PACRG: variants seen among roughly 807,000 people sequenced by gnomAD.
PACRG encodes the protein parkin coregulated gene protein.
PACRG carries 29 observed loss-of-function variants against 29.7 expected under a neutral mutation model. The observed-to-expected ratio is 0.98, with a 90% CI of 0.73 to 1.33. The LOEUF (loss-of-function observed/expected upper bound fraction) is 1.33. PACRG is among the 40% of genes most tolerant of loss of function. The probability of loss-of-function intolerance (pLI) is 0.00; values close to 1 mark genes in which losing one functional copy is unlikely to be tolerated. For missense variants in PACRG, 279 were observed against 316.2 expected, an observed-to-expected ratio of 0.88 and a Z score of 0.89; for synonymous variants, 116 against 118.7, an observed-to-expected ratio of 0.98 and a Z score of 0.15.
chr6:163,285,094 A>G (rs1784351314), intron 4 of PACRG, among the ~76,000 whole-genome samples: 1 of 151,902 alleles, frequency 6.6e-6, no homozygotes, highest in South Asian at 2.1e-4. Context: ...TTTGGCCCTT[A>G]GAATAAGGTG....
chr6:163,150,867 G>C (rs1778055005), intron 4 of PACRG, among the ~76,000 whole-genome samples: 1 of 152,186 alleles, frequency 6.6e-6, no homozygotes, highest in Non-Finnish European at 1.5e-5. Context: ...TGGAAATCAT[G>C]ACCTAGGGTA....
intron 4 of PACRG, among the ~76,000 whole-genome samples, chr6:163,151,681 A>G (rs115912302): frequency 0.018 from 2,703 of 152,342 alleles, 89 homozygotes; most frequent in African/African-American, 0.061. Context: ...ATTCAGCCAC[A>G]TAAATAACTT....
intron 1 of PACRG, among the ~76,000 whole-genome samples, chr6:162,800,814 C>G (rs1443167084): frequency 6.6e-6 from 1 of 152,120 alleles, no homozygotes; most frequent in South Asian, 2.1e-4. Context: ...CCTGCCAGCC[C>G]TTGTTGCCTG....
chr6:163,107,630 G>A (rs576381), intron 4 of PACRG, among the ~76,000 whole-genome samples: 53,549 of 151,950 alleles, frequency 0.35, 10,133 homozygotes, highest in East Asian at 0.52. Flanking sequence ...TGTCTGGACC[G>A]GGCCTCTCTG....
chr6:162,828,470 G>T (rs1190978462), intron 2 of PACRG, among the ~76,000 whole-genome samples: 1 of 152,182 alleles, frequency 6.6e-6, no homozygotes, highest in Non-Finnish European at 1.5e-5. Context: ...AGTACTTACT[G>T]GGTGTCAGAC....
chr6:162,736,330 C>T (rs1188426906), intron 1 of PACRG, among the ~76,000 whole-genome samples: 1 of 152,098 alleles, frequency 6.6e-6, no homozygotes. Flanking sequence ...TGTACGTAGA[C>T]TTTCGGTGGT....
chr6:163,206,499 A>G (rs915470535), intron 4 of PACRG, among the ~76,000 whole-genome samples: 2 of 152,116 alleles, frequency 1.3e-5, no homozygotes, highest in Non-Finnish European at 2.9e-5. Flanking sequence ...GGGAATAAAC[A>G]AGAACACATA....
intron 2 of PACRG, among the ~76,000 whole-genome samples, chr6:162,904,673 T>A (rs942329753): frequency 6.6e-6 from 1 of 152,182 alleles, no homozygotes; most frequent in Non-Finnish European, 1.5e-5. Context: ...TTTTCACCAG[T>A]GTTTTAGTGC....
chr6:163,211,761 C>A (rs1302883316), intron 4 of PACRG, among the ~76,000 whole-genome samples: 2 of 152,088 alleles, frequency 1.3e-5, no homozygotes, highest in African/African-American at 4.8e-5. Flanking sequence ...GCACTCCTAC[C>A]AAGTCTGGTT....
intron 2 of PACRG, among the ~76,000 whole-genome samples, chr6:162,921,906 G>A (rs1358435188): frequency 6.6e-6 from 1 of 152,156 alleles, no homozygotes; most frequent in African/African-American, 2.4e-5. Flanking sequence ...ACTGCTGAAA[G>A]CCAGAGGCCC....
intron 2 of PACRG, among the ~76,000 whole-genome samples, chr6:162,820,758 G>A (rs1024762635): frequency 4.6e-5 from 7 of 152,274 alleles, no homozygotes; most frequent in African/African-American, 1.7e-4. Flanking sequence ...CAAGGAGAAT[G>A]AATGTTCTCT....
At chr6:162,835,791 T>C (rs1789174467) in intron 2 of PACRG, among the ~76,000 whole-genome samples, 1 of 152,114 alleles carries the variant, frequency 6.6e-6, no homozygotes, top group Non-Finnish European at 1.5e-5. Context: ...AATCTACCAT[T>C]GGACACATTT....
chr6:162,906,844 T>C (rs1243142734), intron 2 of PACRG, among the ~76,000 whole-genome samples: 1 of 152,234 alleles, frequency 6.6e-6, no homozygotes, highest in African/African-American at 2.4e-5. Context: ...AATGATCGTA[T>C]ACCTTGTATA....
At chr6:163,270,104 A>C (rs1260790593) in intron 4 of PACRG, among the ~76,000 whole-genome samples, 4 of 150,538 alleles carry the variant, frequency 2.7e-5, no homozygotes, top group African/African-American at 1.0e-4. Context: ...AACAGTAATT[A>C]AAAATGTGTG....
Position 162,819,324 on chromosome 6 carries a change from T to A in PACRG, c.291+5043T>A, listed in dbSNP as rs546232943. 3.0e-4 allele frequency among the ~76,000 whole-genome samples: 45 copies of A among 152,296 alleles called. No homozygotes were observed. In the East Asian group the frequency reaches 4.6e-3, roughly 16 times the overall value. On this transcript the variant is annotated intron_variant, in intron 2 of 4. Transcript: ENST00000366888. ...TTTTACCTGTTGATTAAAATTTAGA[T>A]CTCCAGACTTTGTTTTGTATTAAAA... is the stretch of plus-strand genomic sequence containing the variant.
At chr6:163,151,572 T>C (rs927429204) in intron 4 of PACRG, among the ~76,000 whole-genome samples, 10 of 152,348 alleles carry the variant, frequency 6.6e-5, no homozygotes, top group Non-Finnish European at 1.3e-4. Flanking sequence ...AGAGACATTT[T>C]ATTATTTGTC....
intron 4 of PACRG, among the ~76,000 whole-genome samples, chr6:163,238,170 T>C (rs569015937): frequency 5.9e-5 from 9 of 152,212 alleles, no homozygotes; most frequent in African/African-American, 1.4e-4. Flanking sequence ...TACTCTACAA[T>C]TGAATTTATG....
intron 2 of PACRG, among the ~76,000 whole-genome samples, chr6:162,951,426 C>T: frequency 6.6e-6 from 1 of 152,206 alleles, no homozygotes; most frequent in Non-Finnish European, 1.5e-5. Flanking sequence ...CTCCAAGCCC[C>T]AAACCAGAAT....
intron 1 of PACRG, among the ~76,000 whole-genome samples, chr6:162,790,484 A>G (rs1027437578): frequency 2.0e-5 from 3 of 151,956 alleles, no homozygotes; most frequent in Non-Finnish European, 2.9e-5. Context: ...GGAGTGTTCT[A>G]TTGTTTTGTA....
Sources: allele counts gnomAD v4.1 joint callset (sites outside exome capture counted in the v4.1 genomes callset), GRCh38; gene constraint gnomAD v4.1.1; transcripts MANE v1.5; gene names NCBI Gene and HGNC (gene_info 2026-07-23, HGNC 2026-07-21).